Variants in BAZ2B observed in about 807,000 individuals in gnomAD.
The protein encoded by BAZ2B is bromodomain adjacent to zinc finger domain 2B, also known as bromodomain adjacent to zinc finger domain protein 2B.
A neutral mutation model predicts 246.0 loss-of-function variants in BAZ2B; 91 were observed. The ratio of observed to expected loss-of-function variants is 0.37; its 90% CI spans 0.31 to 0.44. The LOEUF (loss-of-function observed/expected upper bound fraction) is 0.44, where lower values mean the gene tolerates loss of function less well. Among genes scored for constraint, BAZ2B ranks in the 20% least tolerant of loss-of-function variants. The pLI is 1.00. For missense variants in BAZ2B, 2,332 were observed against 2,533.7 expected (o/e 0.92, Z 1.71); for synonymous variants, 855 against 860.0 (o/e 0.99, Z 0.10).
chr2:159,590,188 A>C (rs1482344949), intron 1 of BAZ2B, among the ~76,000 whole-genome samples: 2 of 8,012 alleles, frequency 2.5e-4, no homozygotes, highest in Admixed American at 2.1e-3. Flanking sequence ...ACTCCATCTC[A>C]AAAAAAAAAA....
intron 23 of BAZ2B, 53 bp from the exon 24 acceptor site, chr2:159,383,733 C>A (rs533709487): frequency 7.5e-5 from 108 of 1,447,376 alleles, no homozygotes; most frequent in Non-Finnish European, 8.5e-5. Flanking sequence ...TTATGCAATG[C>A]ATTAATTTGA....
At chr2:159,399,028 AT>A (rs1419483120) in intron 17 of BAZ2B, 134 bp from the exon 18 acceptor site, 1 of 643,534 alleles carries the variant, frequency 1.6e-6, no homozygotes, top group Non-Finnish European at 2.5e-6. Flanking sequence ...ACAATTACAG[AT>A]TTCCCCCCAG....
the BAZ2B span, among the ~76,000 whole-genome samples, chr2:159,692,542 A>G: frequency 2.8e-4 from 42 of 152,220 alleles, no homozygotes; most frequent in East Asian, 7.1e-3. Context: ...AAATATTCCA[A>G]TATATTTATT....
At position 159,438,480 on chromosome 2, in the gene BAZ2B, G is replaced by A; in HGVS notation, c.1116C>T (p.Thr372=). The A allele has an allele frequency of 1.2e-6, 2 of 1,614,124 alleles. No homozygotes were observed. The highest frequency in any genetic ancestry group is 1.7e-6 in the Non-Finnish European group (2 of 1,180,012). The change falls in exon 8 of 37, where the codon ACC becomes ACT. Residue 372 remains threonine, a synonymous_variant. Coordinates refer to ENST00000392783, the MANE Select transcript of BAZ2B (RefSeq NM_013450.4). ...CCAATCCCGTAGACTGTATTACACT[G>A]GTGTGTTTGTTCACAGATTCCTCCT... ...QAKEESVNKH[T]SVIQSTGLVS...
the BAZ2B span, chr2:159,689,962 G>A: frequency 1.4e-5 from 5 of 355,224 alleles, no homozygotes; most frequent in South Asian, 8.0e-5. Flanking sequence ...CAGGAGCTTC[G>A]ATCATTGTCT....
At chr2:159,336,447 T>C (rs1326061904) in intron 33 of BAZ2B, among the ~76,000 whole-genome samples, 2 of 152,252 alleles carry the variant, frequency 1.3e-5, no homozygotes, top group African/African-American at 2.4e-5. Context: ...AAGGATCTAC[T>C]GTTCATGTCA....
At chr2:159,656,388 A>G in the BAZ2B span, among the ~76,000 whole-genome samples, 1 of 152,134 alleles carries the variant, frequency 6.6e-6, no homozygotes, top group African/African-American at 2.4e-5. Flanking sequence ...GTTGCTTTGC[A>G]TGAGTTCTGA....
At chr2:159,689,050 T>C in the BAZ2B span, among the ~76,000 whole-genome samples, 3 of 152,344 alleles carry the variant, frequency 2.0e-5, no homozygotes, top group South Asian at 4.1e-4. Context: ...ACATCCTCCT[T>C]GTAACCAACT....
At chr2:159,665,965 A>C in the BAZ2B span, among the ~76,000 whole-genome samples, 1 of 152,118 alleles carries the variant, frequency 6.6e-6, no homozygotes, top group Admixed American at 6.5e-5. Context: ...CTGTTGACTA[A>C]TGATGTTGGG....
intron 3 of BAZ2B, among the ~76,000 whole-genome samples, chr2:159,474,351 T>C (rs2078220287): frequency 6.6e-6 from 1 of 152,226 alleles, no homozygotes; most frequent in African/African-American, 2.4e-5. Flanking sequence ...TGGTTTAAAG[T>C]CTGTTTTATC....
chr2:159,450,670 A>G (rs891859265), intron 4 of BAZ2B, among the ~76,000 whole-genome samples: 3 of 152,194 alleles, frequency 2.0e-5, no homozygotes, highest in Non-Finnish European at 2.9e-5. Flanking sequence ...AATAAGGATT[A>G]TATAAATCAG....
At chr2:159,333,812 C>T (rs559512459) in intron 33 of BAZ2B, among the ~76,000 whole-genome samples, 2 of 152,154 alleles carry the variant, frequency 1.3e-5, no homozygotes, top group East Asian at 3.9e-4. Flanking sequence ...AGAATCTTAT[C>T]AAAACAGCAG....
At chr2:159,601,546 C>G (rs952053538) in intron 1 of BAZ2B, among the ~76,000 whole-genome samples, 4 of 151,988 alleles carry the variant, frequency 2.6e-5, no homozygotes, top group Non-Finnish European at 4.4e-5. Context: ...CATGCAGAAA[C>G]CCCGCCTCTA....
chr2:159,328,805 C>A (rs2064172573), intron 34 of BAZ2B, among the ~76,000 whole-genome samples: 1 of 152,098 alleles, frequency 6.6e-6, no homozygotes, highest in Non-Finnish European at 1.5e-5. Flanking sequence ...GGTTCTACAT[C>A]TGTGGATTCA....
intron 1 of BAZ2B, among the ~76,000 whole-genome samples, chr2:159,566,970 G>C (rs576410310): frequency 6.6e-6 from 1 of 152,176 alleles, no homozygotes; most frequent in Non-Finnish European, 1.5e-5. Context: ...GGGGCCGGGC[G>C]TGGTGGCTCA....
chr2:159,355,459 T>A (rs186919887), intron 27 of BAZ2B, among the ~76,000 whole-genome samples: 1 of 152,192 alleles, frequency 6.6e-6, no homozygotes. Context: ...AATTTTAAGA[T>A]GATAACATAA....
At chr2:159,321,624 A>G (rs771578295) in intron 36 of BAZ2B, among the ~76,000 whole-genome samples, 24 of 152,328 alleles carry the variant, frequency 1.6e-4, no homozygotes, top group Admixed American at 5.2e-4. Flanking sequence ...ATCAAACTGG[A>G]GGTCATTATA....
chr2:159,698,411 C>CTA, the BAZ2B span, among the ~76,000 whole-genome samples: 1 of 151,112 alleles, frequency 6.6e-6, no homozygotes, highest in African/African-American at 2.4e-5. Flanking sequence ...GTCCCAGCTA[C>CTA]TCAGATGACT....
chr2:159,417,865 A>G (rs942853600), intron 13 of BAZ2B, among the ~76,000 whole-genome samples: 1 of 152,216 alleles, frequency 6.6e-6, no homozygotes, highest in African/African-American at 2.4e-5. Context: ...GTAATGCATT[A>G]GAAAAAGAGT....
Sources: allele counts gnomAD v4.1 joint callset (sites outside exome capture counted in the v4.1 genomes callset), GRCh38; gene constraint gnomAD v4.1.1; transcripts MANE v1.5; gene names NCBI Gene and HGNC (gene_info 2026-07-23, HGNC 2026-07-21).